MTG2: variants seen among roughly 807,000 people sequenced by gnomAD.
MTG2 encodes mitochondrial ribosome associated GTPase 2.
In MTG2, 23 loss-of-function variants were observed where a neutral mutation model predicts 28.6. The ratio of observed to expected loss-of-function variants is 0.80; its 90% CI spans 0.58 to 1.14. The LOEUF (loss-of-function observed/expected upper bound fraction) is 1.14, where lower values mean the gene tolerates loss of function less well. MTG2 is among the 50% of genes most tolerant of loss of function. The probability of loss-of-function intolerance (pLI) is 0.00; values close to 1 mark genes in which losing one functional copy is unlikely to be tolerated. For synonymous variants in MTG2, 260 were observed against 251.8 expected (o/e 1.03, Z -0.31); for missense variants, 539 against 552.0 (o/e 0.98, Z 0.24).
At position 62,195,183 on chromosome 20, in the gene MTG2, G is replaced by A. The variant is rs151026654; in HGVS notation, c.205-619G>A. On this transcript the variant is annotated intron_variant, in intron 2 of 6. Transcript: ENST00000370823. ...TGCACTCCAGCCTGGGCGACAGAGC[G>A]AGACTCTGCCTCAAAAAAAACCACA... Among the ~76,000 whole-genome samples, 552 of 152,288 alleles carry A rather than the reference G, an allele frequency of 3.6e-3. 2 individuals carry two copies. Among genetic ancestry groups the A allele is most frequent in the African/African-American group, 0.013 (532 of 41,544 alleles).
intron 1 of MTG2, among the ~76,000 whole-genome samples, chr20:62,191,458 G>T (rs1332889604): frequency 6.6e-6 from 1 of 152,200 alleles, no homozygotes; most frequent in Non-Finnish European, 1.5e-5. Flanking sequence ...GATTCAGGAG[G>T]AAGTTCTTTG....
At chr20:62,186,589 C>T (rs1415929596) in intron 1 of MTG2, among the ~76,000 whole-genome samples, 8 of 138,144 alleles carry the variant, frequency 5.8e-5, no homozygotes, top group Non-Finnish European at 1.1e-4. Context: ...AGTGCGGTAA[C>T]GTGATCTCGG....
chr20:62,193,285 G>A (rs2057995882), intron 1 of MTG2, 131 bp from the exon 2 acceptor site: 2 of 885,558 alleles, frequency 2.3e-6, no homozygotes, highest in East Asian at 2.6e-5. Context: ...CAGGAAAATC[G>A]GATTCATCAG....
chr20:62,190,554 C>T (rs948489284), intron 1 of MTG2, among the ~76,000 whole-genome samples: 1 of 152,164 alleles, frequency 6.6e-6, no homozygotes, highest in African/African-American at 2.4e-5. Flanking sequence ...TTTATTGCAC[C>T]TTCGTTTCTG....
intron 1 of MTG2, among the ~76,000 whole-genome samples, chr20:62,184,755 A>G (rs2057806308): frequency 6.6e-6 from 1 of 152,196 alleles, no homozygotes; most frequent in Admixed American, 6.5e-5. Flanking sequence ...AAGCAAATGG[A>G]AGATAGCTCG....
chr20:62,190,634 A>C (rs1022288784), intron 1 of MTG2, among the ~76,000 whole-genome samples: 10 of 152,196 alleles, frequency 6.6e-5, no homozygotes, highest in Admixed American at 6.5e-4. Flanking sequence ...ATATCCCTAC[A>C]TAATGGTTAA....
chr20:62,194,154 T>A (rs2058015745), intron 2 of MTG2: 1 of 152,142 alleles, frequency 6.6e-6, no homozygotes, highest in Admixed American at 6.5e-5. Flanking sequence ...ACCTTCCGTT[T>A]TATGGTTCTT....
intron 2 of MTG2, 49 bp downstream of exon 2, chr20:62,193,673 C>T: frequency 1.3e-6 from 2 of 1,538,062 alleles, no homozygotes; most frequent in African/African-American, 2.7e-5. Context: ...CCTCAGAAGG[C>T]ACAGGGTGTG....
Position 62,195,875 on chromosome 20 carries a change from A to T in MTG2, c.278A>T (p.His93Leu). 1 of 1,614,210 alleles carries T rather than the reference A, an allele frequency of 6.2e-7. No individual in the cohort carries two copies. The highest frequency in any genetic ancestry group is 8.5e-7 in the Non-Finnish European group (1 of 1,180,040). The stretch of plus-strand genomic sequence containing the variant: ...GGAGGCGCTGGGGCAAGCTGCTTCC[A>T]CAGTGAGCCCCGCAAGGAGTTTGGA... Reference protein sequence around the residue: ...GNGGAGASCFHSEPRKEFGGP... With the variant: ...GNGGAGASCFLSEPRKEFGGP... Residue 93 changes from histidine (H) to leucine (L), a missense_variant, in exon 3 of 7, where the codon CAC becomes CTC. His to Leu is a moderately conservative substitution (Grantham distance 99, BLOSUM62 -3). Coordinates refer to ENST00000370823, the MANE Select transcript of MTG2 (RefSeq NM_015666.4).
intron 1 of MTG2, among the ~76,000 whole-genome samples, chr20:62,191,317 C>T (rs1001770904): frequency 2.0e-5 from 3 of 152,026 alleles, no homozygotes; most frequent in East Asian, 1.9e-4. Context: ...CCGGGGCCCA[C>T]GTGGGAGGGG....
At position 62,200,864 on chromosome 20, in the gene MTG2, T is replaced by C. The variant is rs756921283; in HGVS notation, c.1008T>C (p.Ser336=). 61 of 1,613,866 alleles carry C rather than the reference T, an allele frequency of 3.8e-5. No homozygotes were observed. Among genetic ancestry groups the C allele is most frequent in the Non-Finnish European group, 5.1e-5 (60 of 1,180,046 alleles). The change falls in exon 7 of 7, where the codon TCT becomes TCC. Residue 336 remains serine (S), a synonymous_variant. Coordinates refer to ENST00000370823, the MANE Select transcript of MTG2 (RefSeq NM_015666.4). The part of the protein sequence containing the change: ...YELEMYEKGL[S]ARPHAIVANK... ...TGGAGATGTATGAAAAGGGCCTGTC[T>C]GCGAGGCCCCACGCAATCGTCGCAA...
At chr20:62,186,336 A>G (rs2057844059) in intron 1 of MTG2, among the ~76,000 whole-genome samples, 1 of 152,224 alleles carries the variant, frequency 6.6e-6, no homozygotes, top group African/African-American at 2.4e-5. Flanking sequence ...GTAGTGAGGT[A>G]GAGGTCTTGA....
rs2058156004 is a variant in MTG2 at position 62,200,838 on chromosome 20, C to T, written c.982C>T (p.Leu328=). The change falls in exon 7 of 7, where the codon CTG becomes TTG. Residue 328 remains leucine (L), a synonymous_variant. Coordinates refer to ENST00000370823, the MANE Select transcript of MTG2 (RefSeq NM_015666.4). ...WTQVDDLKYE[L]EMYEKGLSAR... ...TCAAGTTGACGATTTAAAATATGAA[C>T]TGGAGATGTATGAAAAGGGCCTGTC... The T allele has an allele frequency of 1.2e-6, 2 of 1,613,944 alleles. No homozygotes were observed. The highest frequency in any genetic ancestry group is 1.6e-4 in the Middle Eastern group (1 of 6,062).
intron 1 of MTG2, among the ~76,000 whole-genome samples, chr20:62,186,894 T>C (rs983783187): frequency 6.6e-6 from 1 of 152,202 alleles, no homozygotes; most frequent in Non-Finnish European, 1.5e-5. Context: ...TACTTCTTCC[T>C]TTTTTCCCCC....
At chr20:62,194,458 T>C (rs889681154) in intron 2 of MTG2, among the ~76,000 whole-genome samples, 1 of 152,258 alleles carries the variant, frequency 6.6e-6, no homozygotes, top group Non-Finnish European at 1.5e-5. Context: ...CTTTCCTCCC[T>C]GTCTGGTGGA....
At position 62,199,154 on chromosome 20, in the gene MTG2, C is replaced by T. The variant is rs771478674; in HGVS notation, c.723C>T (p.Leu241=). 6.2e-7 allele frequency: 1 copy of T among 1,614,052 alleles called. No homozygotes were observed. Among genetic ancestry groups the T allele is most frequent in the Non-Finnish European group, 8.5e-7 (1 of 1,180,038 alleles). The change falls in exon 6 of 7, where the codon CTC becomes CTT. Residue 241 remains leucine, a synonymous_variant. Coordinates refer to ENST00000370823, the MANE Select transcript of MTG2 (RefSeq NM_015666.4). ...CCAACGCCGGGAAGTCCTCACTGCT[C>T]CGGGCCATTTCAAACGCCAGACCCG... is the stretch of plus-strand genomic sequence containing the variant. ...GFPNAGKSSL[L]RAISNARPAV...
chr20:62,195,744 G>A, intron 2 of MTG2, 58 bp from the exon 3 acceptor site: 1 of 1,598,430 alleles, frequency 6.3e-7, no homozygotes, highest in East Asian at 2.2e-5. Context: ...TGGATGCATG[G>A]TGTCTTGAAA....
chr20:62,200,768 C>G lies in MTG2; in HGVS notation c.912C>G (p.Arg304=). The change falls in exon 7 of 7, where the codon CGC becomes CGG. Residue 304 remains arginine (R), a synonymous_variant. Transcript: ENST00000370823. ...TCCTCAGGCACATCGAGCGCTGCCG[C>G]TTTCTCTTGTTCGTGGTGGATCTTT... The part of the protein sequence containing the change: ...SAFLRHIERC[R]FLLFVVDLSQ... 1 of 1,613,808 alleles carries G rather than the reference C, an allele frequency of 6.2e-7. No individual in the cohort carries two copies. The highest frequency in any genetic ancestry group is 8.5e-7 in the Non-Finnish European group (1 of 1,180,040).
chr20:62,188,128 C>CAAAA (rs11474675), intron 1 of MTG2, among the ~76,000 whole-genome samples: 2 of 121,792 alleles, frequency 1.6e-5, no homozygotes, highest in Non-Finnish European at 1.7e-5. Flanking sequence ...GAGACTGTCT[C>CAAAA]AAAAAAAAAA....
Sources: gnomAD v4.1 joint callset for allele counts (sites outside exome capture counted in the v4.1 genomes callset) on GRCh38, gnomAD v4.1.1 for gene constraint, MANE v1.5 for transcripts, NCBI Gene and HGNC (gene_info 2026-07-23, HGNC 2026-07-21) for gene names.